PSD3: variants seen among roughly 807,000 people sequenced by gnomAD.
PSD3 encodes the protein pleckstrin and Sec7 domain containing 3, also known as PH and SEC7 domain-containing protein 3.
Under a neutral mutation model 105.5 loss-of-function variants are expected in PSD3, and 49 were observed. The observed-to-expected ratio is 0.46, with a 90% CI of 0.37 to 0.59. The LOEUF is 0.59. Ranked by LOEUF, PSD3 falls within the 20% of genes least tolerant of loss-of-function variation. The pLI, the probability that PSD3 is intolerant of heterozygous loss-of-function variation, is 0.00. For missense variants in PSD3, 1,561 were observed against 1,263.8 expected, an observed-to-expected ratio of 1.24 and a Z score of -3.57; for synonymous variants, 557 against 457.8, an observed-to-expected ratio of 1.22 and a Z score of -2.77.
rs181299073 is a variant in PSD3 at position 18,871,291 on chromosome 8, T to C, written c.1238+335A>G. 5.6e-4 allele frequency among the ~76,000 whole-genome samples: 86 copies of C among 152,240 alleles called. 3 individuals carry two copies. Among genetic ancestry groups the C allele is most frequent in the Admixed American group, 5.0e-3 (76 of 15,302 alleles). Reference sequence around the variant, plus strand: ...CATATTACTAAAGATGACTGTGGGGTATGTTAGTTACCTTGACGTTGGGAA... The same window carrying C: ...CATATTACTAAAGATGACTGTGGGGCATGTTAGTTACCTTGACGTTGGGAA... On this transcript the variant is annotated intron_variant, in intron 3 of 15. Coordinates refer to ENST00000327040, the MANE Select transcript of PSD3 (RefSeq NM_015310.4).
chr8:18,587,925 C>T (rs1400616992), intron 12 of PSD3, among the ~76,000 whole-genome samples: 1 of 152,184 alleles, frequency 6.6e-6, no homozygotes, highest in African/African-American at 2.4e-5. Flanking sequence ...TCTGCTATCA[C>T]ATGCTGGTAG....
rs1431467282 is a variant in PSD3, at chr8:18,594,224, ATTAT to A, written c.2481+6136_2481+6139del. ...TTATATAATATATATTATTATATAT[ATTAT>A]ATAATATATATTATTATATATATTA... On this transcript the variant is annotated intron_variant, in intron 12 of 15. Transcript: ENST00000327040. Among the ~76,000 whole-genome samples, 10 of 8,746 alleles carry A rather than the reference ATTAT, an allele frequency of 1.1e-3. 3 individuals are homozygous for A. Among genetic ancestry groups the A allele is most frequent in the African/African-American group, 2.6e-3 (10 of 3,898 alleles). 5.7% of individuals were successfully genotyped at this position (8,746 alleles called of 152,430 possible).
intron 8 of PSD3, among the ~76,000 whole-genome samples, chr8:18,795,942 G>A (rs1810137977): frequency 6.6e-6 from 1 of 152,152 alleles, no homozygotes; most frequent in Non-Finnish European, 1.5e-5. Context: ...GAGTTTAAGA[G>A]AAATGTATCT....
At chr8:18,627,383 G>A (rs879829153) in intron 11 of PSD3, among the ~76,000 whole-genome samples, 2 of 152,048 alleles carry the variant, frequency 1.3e-5, no homozygotes, top group Admixed American at 6.6e-5. Context: ...AGGATACTCT[G>A]CTCTTGGCTG....
At chr8:18,642,589 G>A (rs1334342695) in intron 10 of PSD3, among the ~76,000 whole-genome samples, 1 of 152,100 alleles carries the variant, frequency 6.6e-6, no homozygotes, top group Non-Finnish European at 1.5e-5. Context: ...GCTCCTCAGT[G>A]ATTCTAAAAA....
chr8:18,562,043 G>C (rs1376028472), intron 14 of PSD3, among the ~76,000 whole-genome samples: 2 of 152,226 alleles, frequency 1.3e-5, no homozygotes, highest in Non-Finnish European at 2.9e-5. Context: ...TAGAAATGCA[G>C]ATGGCTCCAA....
rs1819620837 is a variant in PSD3, at chr8:18,903,189, T to C, written c.131-30456A>G. 2.0e-5 allele frequency among the ~76,000 whole-genome samples: 3 copies of C among 152,152 alleles called. No individual in the cohort carries two copies. The South Asian group carries it at 6.2e-4, about 32-fold the overall frequency. ...ACTTTTAGGGTATACAGTGAAGCAC[T>C]CACCCAACTCCAGGAAAGTGATACT... On this transcript the variant is annotated intron_variant, in intron 2 of 15. Coordinates refer to ENST00000327040, the MANE Select transcript of PSD3 (RefSeq NM_015310.4).
intron 9 of PSD3, among the ~76,000 whole-genome samples, chr8:18,676,219 C>G (rs1247653175): frequency 6.6e-6 from 1 of 152,214 alleles, no homozygotes; most frequent in East Asian, 1.9e-4. Context: ...CTACAATGTT[C>G]AAATACTGCA....
chr8:18,773,451 G>A (rs770611209), intron 8 of PSD3, among the ~76,000 whole-genome samples: 10 of 152,030 alleles, frequency 6.6e-5, no homozygotes, highest in Admixed American at 5.9e-4. Context: ...AAACTGTTAT[G>A]ATTATTTGGG....
intron 1 of PSD3, among the ~76,000 whole-genome samples, chr8:19,042,567 C>G (rs986386698): frequency 2.0e-5 from 3 of 152,082 alleles, no homozygotes; most frequent in Non-Finnish European, 4.4e-5. Flanking sequence ...GTCTGGATAC[C>G]AGTGAAATTT....
intron 1 of PSD3, among the ~76,000 whole-genome samples, chr8:19,002,150 T>C (rs1200504753): frequency 3.9e-5 from 6 of 152,042 alleles, no homozygotes; most frequent in Non-Finnish European, 8.8e-5. Flanking sequence ...CTGTTCCTTC[T>C]TAGAACTGCT....
chr8:18,828,047 G>A (rs1319160497), intron 4 of PSD3, among the ~76,000 whole-genome samples: 47 of 126,358 alleles, frequency 3.7e-4, no homozygotes, highest in African/African-American at 1.3e-3. Flanking sequence ...ATATATATAT[G>A]TATATATATA....
rs1799527123 is a variant in PSD3 at position 18,528,839 on chromosome 8, C to T, written c.*6904G>A. 1 of 152,660 alleles carries T rather than the reference C, an allele frequency of 6.6e-6. No homozygotes were observed. Among genetic ancestry groups the T allele is most frequent in the South Asian group, 2.1e-4 (1 of 4,830 alleles). The allele number at this position is 152,660 out of a possible 1,614,324, so 9.5% of individuals were successfully genotyped here. A position where few individuals can be genotyped will look rare whatever the true frequency, so the allele number is the denominator to read the frequency against. Reference sequence around the variant, plus strand: ...AGTTAGGGTGCTTATTTCTATAACACTATTCCTAAGAGCTTAGCTCTCTGC... The same window carrying T: ...AGTTAGGGTGCTTATTTCTATAACATTATTCCTAAGAGCTTAGCTCTCTGC... On this transcript the variant is annotated 3_prime_UTR_variant, in exon 16 of 16. Coordinates refer to ENST00000327040, the MANE Select transcript of PSD3 (RefSeq NM_015310.4).
At chr8:18,885,075 G>C (rs1293498095) in intron 2 of PSD3, among the ~76,000 whole-genome samples, 1 of 152,146 alleles carries the variant, frequency 6.6e-6, no homozygotes, top group Non-Finnish European at 1.5e-5. Context: ...CAACCAGTGG[G>C]GTTCTCCACT....
At chr8:18,563,014 A>C (rs1451520024) in intron 14 of PSD3, among the ~76,000 whole-genome samples, 1 of 152,208 alleles carries the variant, frequency 6.6e-6, no homozygotes, top group Non-Finnish European at 1.5e-5. Context: ...GGCAGCACTT[A>C]AATGTCTACG....
chr8:18,557,460 T>A (rs905609578), intron 14 of PSD3: 1 of 154,062 alleles, frequency 6.5e-6, no homozygotes, highest in East Asian at 1.9e-4. Context: ...TCACATATAA[T>A]ATCTTACGGA....
At chr8:18,715,604 TA>T (rs1470411163) in intron 9 of PSD3, among the ~76,000 whole-genome samples, 3 of 152,196 alleles carry the variant, frequency 2.0e-5, no homozygotes, top group Admixed American at 1.3e-4. Context: ...ACATAATTTT[TA>T]AAAAAGCAAA....
chr8:18,812,755 G>C (rs1276654370), intron 4 of PSD3, among the ~76,000 whole-genome samples: 2 of 152,202 alleles, frequency 1.3e-5, no homozygotes, highest in East Asian at 3.9e-4. Context: ...AGGACACGTG[G>C]AGATTTCAGG....
chr8:18,605,736 G>C (rs888384122), intron 11 of PSD3, among the ~76,000 whole-genome samples: 3 of 152,110 alleles, frequency 2.0e-5, no homozygotes, highest in African/African-American at 7.2e-5. Context: ...ATTGGATCAT[G>C]ATTCATCAAT....
Sources: allele counts gnomAD v4.1 joint callset (sites outside exome capture counted in the v4.1 genomes callset), GRCh38; gene constraint gnomAD v4.1.1; transcripts MANE v1.5; gene names NCBI Gene and HGNC (gene_info 2026-07-23, HGNC 2026-07-21).